The following NAV1 variants were observed in gnomAD, a reference collection of about 807,000 sequenced individuals.
NAV1 encodes the protein neuron navigator 1.
In NAV1, 18 loss-of-function variants were observed where a neutral mutation model predicts 175.2. That is an observed-to-expected ratio of 0.10 (90% CI 0.07 to 0.15). NAV1 has a LOEUF of 0.15. Among genes scored for constraint, NAV1 ranks in the 10% least tolerant of loss-of-function variants. NAV1 has a pLI of 1.00. For synonymous variants in NAV1, 897 were observed against 978.7 expected, an observed-to-expected ratio of 0.92 and a Z score of 1.56; for missense variants, 1,731 against 2,436.6, an observed-to-expected ratio of 0.71 and a Z score of 6.10.
chr1:201,693,415 G>A (rs899906758), intron 1 of NAV1, among the ~76,000 whole-genome samples: 1 of 152,172 alleles, frequency 6.6e-6, no homozygotes, highest in Non-Finnish European at 1.5e-5. Context: ...ACCATCACTC[G>A]GGCAGCATTT....
chr1:201,570,143 C>CA (rs1378138463), intron 1 of NAV1, among the ~76,000 whole-genome samples: 2 of 152,118 alleles, frequency 1.3e-5, no homozygotes, highest in Admixed American at 1.3e-4. Flanking sequence ...AAACACCAAA[C>CA]AAAAAAATCA....
At chr1:201,558,255 T>C (rs1666090758) in intron 1 of NAV1, among the ~76,000 whole-genome samples, 1 of 152,200 alleles carries the variant, frequency 6.6e-6, no homozygotes, top group African/African-American at 2.4e-5. Context: ...GTCCAGAGGC[T>C]TATATACCCT....
intron 3 of NAV1, among the ~76,000 whole-genome samples, chr1:201,744,184 A>G (rs928010716): frequency 4.6e-5 from 7 of 152,294 alleles, no homozygotes; most frequent in Admixed American, 4.6e-4. Context: ...CACCCGGTCA[A>G]AACATGATTT....
At chr1:201,700,695 T>C (rs563025430) in intron 1 of NAV1, among the ~76,000 whole-genome samples, 1 of 152,252 alleles carries the variant, frequency 6.6e-6, no homozygotes, top group South Asian at 2.1e-4. Flanking sequence ...CAAATGTCCA[T>C]CAATGATAGA....
intron 2 of NAV1, among the ~76,000 whole-genome samples, chr1:201,641,610 G>A (rs79212622): frequency 0.015 from 2,229 of 152,328 alleles, 48 homozygotes; most frequent in African/African-American, 0.05. Flanking sequence ...CAGGGGTGTT[G>A]GCATCTGCTA....
intron 7 of NAV1, among the ~76,000 whole-genome samples, chr1:201,784,575 T>A (rs1048837094): frequency 6.6e-6 from 1 of 151,202 alleles, no homozygotes; most frequent in Non-Finnish European, 1.5e-5. Context: ...ATCTATTTTT[T>A]TTTTTTTTTT....
intron 1 of NAV1, among the ~76,000 whole-genome samples, chr1:201,661,078 A>G (rs1415991912): frequency 6.6e-6 from 1 of 152,224 alleles, no homozygotes; most frequent in Admixed American, 6.5e-5. Flanking sequence ...ACCCCAAAGG[A>G]ATGTGGCAAG....
chr1:201,658,475 A>T (rs1669489807), intron 1 of NAV1, among the ~76,000 whole-genome samples: 2 of 152,184 alleles, frequency 1.3e-5, no homozygotes, highest in African/African-American at 4.8e-5. Context: ...AGGTAAAAAA[A>T]ACTAGAAAAG....
At chr1:201,721,001 TA>T (rs1198042907) in intron 3 of NAV1, among the ~76,000 whole-genome samples, 1 of 151,982 alleles carries the variant, frequency 6.6e-6, no homozygotes, top group Non-Finnish European at 1.5e-5. Flanking sequence ...AGACCCCCTT[TA>T]TCCCCCCTCT....
chr1:201,763,705 G>A (rs936782359), intron 3 of NAV1, among the ~76,000 whole-genome samples: 4 of 152,092 alleles, frequency 2.6e-5, no homozygotes, highest in Admixed American at 1.3e-4. Context: ...AGCTTTAACC[G>A]ACGGCTTGGA....
At chr1:201,776,437 C>G (rs6427920) in intron 3 of NAV1, among the ~76,000 whole-genome samples, 1 of 150,824 alleles carries the variant, frequency 6.6e-6, no homozygotes, top group South Asian at 2.1e-4. Context: ...GTCAAGAGAT[C>G]GAGACCATTC....
intron 3 of NAV1, among the ~76,000 whole-genome samples, chr1:201,752,165 G>T (rs919624249): frequency 1.3e-5 from 2 of 152,156 alleles, no homozygotes; most frequent in South Asian, 2.1e-4. Context: ...AATGACTTAA[G>T]ATAAGAAGGC....
chr1:201,752,854 T>A (rs569046474), intron 3 of NAV1, among the ~76,000 whole-genome samples: 1 of 152,336 alleles, frequency 6.6e-6, no homozygotes, highest in African/African-American at 2.4e-5. Context: ...TTACTGCATC[T>A]ACCTCACAGT....
At chr1:201,714,948 G>A (rs1465278433) in intron 2 of NAV1, among the ~76,000 whole-genome samples, 1 of 152,156 alleles carries the variant, frequency 6.6e-6, no homozygotes, top group Non-Finnish European at 1.5e-5. Context: ...GAAAGGGGAG[G>A]CTTCAATCAA....
intron 1 of NAV1, among the ~76,000 whole-genome samples, chr1:201,564,382 A>G (rs1213977725): frequency 6.6e-6 from 1 of 152,132 alleles, no homozygotes; most frequent in Non-Finnish European, 1.5e-5. Context: ...TGGGAGGCCG[A>G]GGCGGGCAGA....
intron 1 of NAV1, among the ~76,000 whole-genome samples, chr1:201,580,633 C>T (rs768603442): frequency 4.6e-5 from 7 of 152,038 alleles, no homozygotes; most frequent in African/African-American, 7.2e-5. Context: ...AATAGCTGGG[C>T]GTGGTGGCGC....
chr1:201,779,019 A>G (rs930873826), intron 3 of NAV1, among the ~76,000 whole-genome samples: 1 of 152,238 alleles, frequency 6.6e-6, no homozygotes, highest in East Asian at 1.9e-4. Flanking sequence ...ACTCATGTAT[A>G]GCAGTCTTAC....
chr1:201,648,650 T>A (rs932202753), exon 1 of NAV1: 10 of 1,369,762 alleles, frequency 7.3e-6, no homozygotes, highest in African/African-American at 1.5e-5. Context: ...GGATCGTCCA[T>A]GCGCTCCTCG....
rs774321520 is a variant in NAV1 at position 201,782,855 on chromosome 1, A to C, written c.2343A>C (p.Pro781=). Reference sequence around the variant, plus strand: ...CAGCCACCAAGCTGGCAGAGCTGCCACCAACCCCTCTCAGGTACCCAATGT... The same window carrying C: ...CAGCCACCAAGCTGGCAGAGCTGCCCCCAACCCCTCTCAGGTACCCAATGT... Residue 781 remains proline, a synonymous_variant, in exon 6 of 30, where the codon CCA becomes CCC. Transcript: ENST00000367296. This position sits in a 1 kb window ranked among gnomAD's most constrained non-coding sequence, Gnocchi z 5.4. The C allele has an allele frequency of 3.8e-6, 6 of 1,583,328 alleles. No individual in the cohort carries two copies. Among genetic ancestry groups the C allele is most frequent in the Non-Finnish European group, 2.6e-6 (3 of 1,163,946 alleles).
Sources: gnomAD v4.1 joint callset for allele counts (sites outside exome capture counted in the v4.1 genomes callset) on GRCh38, gnomAD v4.1.1 for gene constraint, Gnocchi (gnomAD v3.1) non-coding constraint, MANE v1.5 for transcripts, NCBI Gene and HGNC (gene_info 2026-07-23, HGNC 2026-07-21) for gene names.